KCNIP4: variants seen among roughly 807,000 people sequenced by gnomAD.
The protein encoded by KCNIP4 is potassium voltage-gated channel interacting protein 4, also known as Kv channel-interacting protein 4.
A neutral mutation model predicts 34.0 loss-of-function variants in KCNIP4; 12 were observed. The ratio of observed to expected loss-of-function variants is 0.35; its 90% CI spans 0.23 to 0.57. The LOEUF (loss-of-function observed/expected upper bound fraction) is 0.57. Ranked by LOEUF, KCNIP4 falls within the 20% of genes least tolerant of loss-of-function variation. KCNIP4 has a pLI of 0.83. For missense variants in KCNIP4, 238 were observed against 311.7 expected (o/e 0.76, Z 1.78); for synonymous variants, 124 against 102.2 (o/e 1.21, Z -1.29).
chr4:21,040,947 AAC>A (rs1009139806), intron 1 of KCNIP4, among the ~76,000 whole-genome samples: 3 of 70,396 alleles, frequency 4.3e-5, no homozygotes, highest in African/African-American at 1.9e-4. Flanking sequence ...GACTTAATGA[AAC>A]AGAGTAAAAA....
chr4:20,788,135 G>T (rs1412304430), intron 3 of KCNIP4, among the ~76,000 whole-genome samples: 1 of 151,912 alleles, frequency 6.6e-6, no homozygotes, highest in Non-Finnish European at 1.5e-5. Context: ...TGTCATGTTC[G>T]CTACATCATT....
In KCNIP4 at chr4:20,988,000, C is replaced by CAAAAAAAAAAAAAAAAAAAA. The variant is rs36044149; in HGVS notation, c.62-105311_62-105292dup. 8.4e-3 allele frequency among the ~76,000 whole-genome samples: 388 copies of CAAAAAAAAAAAAAAAAAAAA among 46,282 alleles called. 48 individuals carry two copies. Among genetic ancestry groups the CAAAAAAAAAAAAAAAAAAAA allele is most frequent in the Non-Finnish European group, 9.5e-3 (238 of 24,958 alleles). The allele number at this position is 46,282 out of a possible 152,430, so 30.4% of individuals were successfully genotyped here. ...TGGGCGACACGGCGAGATTCCATCT[C>CAAAAAAAAAAAAAAAAAAAA]AAAAAAAAAAAAAAAAAAAAAATTA... On this transcript the variant is annotated intron_variant, in intron 1 of 8. Transcript: ENST00000382152.
chr4:20,760,029 T>C (rs1754818644), intron 3 of KCNIP4, among the ~76,000 whole-genome samples: 1 of 152,206 alleles, frequency 6.6e-6, no homozygotes, highest in Non-Finnish European at 1.5e-5. Context: ...CAGTGGATGC[T>C]GAAGCTGCAA....
At chr4:21,085,714 G>T (rs1313769132) in intron 1 of KCNIP4, among the ~76,000 whole-genome samples, 1 of 152,174 alleles carries the variant, frequency 6.6e-6, no homozygotes, top group African/African-American at 2.4e-5. Flanking sequence ...TCAGGAAGGA[G>T]GAGTGAGAAA....
At chr4:21,310,079 G>A (rs1162785815) in intron 1 of KCNIP4, among the ~76,000 whole-genome samples, 1 of 152,094 alleles carries the variant, frequency 6.6e-6, no homozygotes, top group East Asian at 1.9e-4. Context: ...ACCTAGGATG[G>A]AATGCAGTGG....
intron 1 of KCNIP4, chr4:21,697,478 T>G (rs755114076): frequency 6.5e-7 from 1 of 1,528,184 alleles, no homozygotes; most frequent in African/African-American, 1.5e-5. Context: ...GCCAGAAGTC[T>G]TTGCCAATAA....
chr4:20,860,776 A>G (rs573607306), intron 2 of KCNIP4, among the ~76,000 whole-genome samples: 63 of 152,294 alleles, frequency 4.1e-4, no homozygotes, highest in African/African-American at 1.4e-3. Flanking sequence ...AAGATTTCCA[A>G]TGCTGAAAGA....
intron 3 of KCNIP4, among the ~76,000 whole-genome samples, chr4:20,790,345 G>C (rs1246923606): frequency 2.0e-5 from 3 of 152,060 alleles, no homozygotes; most frequent in Non-Finnish European, 4.4e-5. Context: ...CACTACTGTA[G>C]AATTTATAAG....
At chr4:20,730,896 C>T (rs1747959270) in intron 8 of KCNIP4, among the ~76,000 whole-genome samples, 1 of 152,040 alleles carries the variant, frequency 6.6e-6, no homozygotes, top group Non-Finnish European at 1.5e-5. Flanking sequence ...CTGCTAGAAA[C>T]CAAGTAACAT....
chr4:21,815,247 G>A (rs1268149614), intron 1 of KCNIP4, among the ~76,000 whole-genome samples: 2 of 152,066 alleles, frequency 1.3e-5, no homozygotes, highest in Admixed American at 1.3e-4. Flanking sequence ...CTGTAAAAAG[G>A]GGATAAAAAT....
At chr4:21,103,202 T>A (rs191938374) in intron 1 of KCNIP4, among the ~76,000 whole-genome samples, 6 of 151,152 alleles carry the variant, frequency 4.0e-5, no homozygotes, top group Non-Finnish European at 7.4e-5. Context: ...TTGGGTAAAC[T>A]GTAAGGTTTC....
intron 1 of KCNIP4, among the ~76,000 whole-genome samples, chr4:21,447,875 G>A (rs28818225): frequency 0.01 from 1,579 of 152,220 alleles, 33 homozygotes; most frequent in African/African-American, 0.036. Flanking sequence ...CACATCCCAG[G>A]CAGGATGGAG....
chr4:20,951,954 C>A (rs1732829855), intron 1 of KCNIP4, among the ~76,000 whole-genome samples: 1 of 152,138 alleles, frequency 6.6e-6, no homozygotes, highest in Admixed American at 6.5e-5. Context: ...CTTTCTCCAA[C>A]AACAATAATA....
chr4:20,892,974 G>A (rs1185807543), intron 1 of KCNIP4, among the ~76,000 whole-genome samples: 1 of 152,186 alleles, frequency 6.6e-6, no homozygotes, highest in Non-Finnish European at 1.5e-5. Context: ...ATTATCTGGA[G>A]TTCCTTATAA....
chr4:21,313,172 G>A (rs1713373904), intron 1 of KCNIP4, among the ~76,000 whole-genome samples: 1 of 152,096 alleles, frequency 6.6e-6, no homozygotes, highest in Non-Finnish European at 1.5e-5. Context: ...ATTGAAACAG[G>A]ATTATTTATG....
chr4:21,169,675 T>C (rs1174176688), intron 1 of KCNIP4, among the ~76,000 whole-genome samples: 8 of 146,290 alleles, frequency 5.5e-5, no homozygotes, highest in African/African-American at 1.1e-4. Context: ...TGTGTGTGTG[T>C]GTGTGTGTGT....
intron 1 of KCNIP4, among the ~76,000 whole-genome samples, chr4:21,583,167 G>A (rs1275710722): frequency 6.6e-6 from 1 of 151,842 alleles, no homozygotes; most frequent in Non-Finnish European, 1.5e-5. Flanking sequence ...TAAAAAAATG[G>A]ATTTTACAAA....
intron 1 of KCNIP4, among the ~76,000 whole-genome samples, chr4:20,929,953 A>T (rs1456011018): frequency 6.6e-6 from 1 of 152,064 alleles, no homozygotes; most frequent in Non-Finnish European, 1.5e-5. Context: ...AACCAAAGCA[A>T]TATACAAATT....
Position 21,736,383 on chromosome 4 carries a change from C to A in KCNIP4, c.61+212188G>T, listed in dbSNP as rs189044677. Among the ~76,000 whole-genome samples, 492 of 152,272 alleles carry A rather than the reference C, an allele frequency of 3.2e-3. 1 individual carries two copies. Among genetic ancestry groups the A allele is most frequent in the Non-Finnish European group, 6.4e-3 (434 of 68,010 alleles). On this transcript the variant is annotated intron_variant, in intron 1 of 8. Transcript: ENST00000382152. Reference sequence around the variant, plus strand: ...TGTAGAGAGATAGGTCCCTGTAATACTCTTCTACTTAAACATCTTTAAAAT... The same window carrying A: ...TGTAGAGAGATAGGTCCCTGTAATAATCTTCTACTTAAACATCTTTAAAAT...
Sources: allele counts gnomAD v4.1 joint callset (sites outside exome capture counted in the v4.1 genomes callset), GRCh38; gene constraint gnomAD v4.1.1; transcripts MANE v1.5; gene names NCBI Gene and HGNC (gene_info 2026-07-23, HGNC 2026-07-21).